OLFM3: variants seen among roughly 807,000 people sequenced by gnomAD.
OLFM3 encodes olfactomedin 3, also known as noelin-3.
In OLFM3, 20 loss-of-function variants were observed where a neutral mutation model predicts 48.6. The ratio of observed to expected loss-of-function variants is 0.41; its 90% CI spans 0.29 to 0.60. The LOEUF is 0.60. Ranked by LOEUF, OLFM3 falls within the 20% of genes least tolerant of loss-of-function variation. OLFM3 has a pLI of 0.28. For missense variants in OLFM3, 437 were observed against 544.3 expected (o/e 0.80, Z 1.96); for synonymous variants, 222 against 198.1 (o/e 1.12, Z -1.01).
chr1:101,961,212 T>G (rs1040041511), intron 1 of OLFM3, among the ~76,000 whole-genome samples: 4 of 152,068 alleles, frequency 2.6e-5, no homozygotes, highest in African/African-American at 9.6e-5. Flanking sequence ...AAGAAGTTAA[T>G]GATAGATTGT....
chr1:101,896,584 T>C (rs1448625334), intron 1 of OLFM3, among the ~76,000 whole-genome samples: 3 of 137,682 alleles, frequency 2.2e-5, no homozygotes, highest in Non-Finnish European at 4.6e-5. Context: ...AAACTCCGCC[T>C]CTCCGGTTCA....
At chr1:101,915,032 A>G (rs1202274583) in intron 1 of OLFM3, among the ~76,000 whole-genome samples, 2 of 152,208 alleles carry the variant, frequency 1.3e-5, no homozygotes, top group African/African-American at 2.4e-5. Context: ...GTCAGCAAAC[A>G]TTAACAATTT....
At chr1:101,843,459 G>T (rs555880862) in intron 1 of OLFM3, among the ~76,000 whole-genome samples, 1 of 152,238 alleles carries the variant, frequency 6.6e-6, no homozygotes, top group East Asian at 1.9e-4. Flanking sequence ...TGAGAGCTGA[G>T]GCTTCCTCTG....
intron 2 of OLFM3, among the ~76,000 whole-genome samples, chr1:101,834,522 C>G (rs1408054577): frequency 6.6e-6 from 1 of 152,156 alleles, no homozygotes; most frequent in African/African-American, 2.4e-5. Flanking sequence ...GAGAGATAAG[C>G]AAGGGACTGG....
chr1:101,959,962 C>T (rs542227532), intron 1 of OLFM3, among the ~76,000 whole-genome samples: 104 of 152,240 alleles, frequency 6.8e-4, no homozygotes, highest in African/African-American at 2.3e-3. Flanking sequence ...TCATATAACA[C>T]GAATAATACC....
chr1:101,816,179 T>C lies in OLFM3; in HGVS notation c.592+8847A>G, dbSNP rs77080680. On this transcript the variant is annotated intron_variant, in intron 4 of 5. Transcript: ENST00000370103. ...ACAAAACTCAGAAAAAGTGTGGTGA[T>C]CCCAGAAAATGAATCGAAGTTGGTT... Among the ~76,000 whole-genome samples the C allele has an allele frequency of 7.9e-3, 1,204 of 152,212 alleles. 15 individuals are homozygous for C. Among genetic ancestry groups the C allele is most frequent in the African/African-American group, 0.028 (1,150 of 41,516 alleles).
chr1:101,856,734 A>C (rs1373677846), intron 1 of OLFM3, among the ~76,000 whole-genome samples: 2 of 152,010 alleles, frequency 1.3e-5, no homozygotes, highest in African/African-American at 4.8e-5. Context: ...ACATTTATCA[A>C]GTGCATTCTT....
chr1:101,819,409 T>A (rs1382613950), intron 4 of OLFM3, among the ~76,000 whole-genome samples: 1 of 151,990 alleles, frequency 6.6e-6, no homozygotes, highest in Non-Finnish European at 1.5e-5. Flanking sequence ...AGATTTGTAT[T>A]GGGGAAAGAT....
At chr1:101,898,817 C>T (rs1229157925) in intron 1 of OLFM3, among the ~76,000 whole-genome samples, 1 of 152,074 alleles carries the variant, frequency 6.6e-6, no homozygotes, top group African/African-American at 2.4e-5. Context: ...CTACTGCACT[C>T]CAGCCTGAGT....
chr1:101,916,180 C>G (rs568168869), intron 1 of OLFM3, among the ~76,000 whole-genome samples: 1 of 152,052 alleles, frequency 6.6e-6, no homozygotes, highest in Non-Finnish European at 1.5e-5. Context: ...TGTGTGTTTT[C>G]TTTGTGCCAG....
intron 1 of OLFM3, among the ~76,000 whole-genome samples, chr1:101,896,004 T>A (rs186023561): frequency 6.5e-4 from 90 of 137,930 alleles, no homozygotes; most frequent in African/African-American, 1.6e-3. Flanking sequence ...ATAATAATAA[T>A]AAAAGTATGC....
chr1:101,896,990 A>G (rs1452968291), intron 1 of OLFM3, among the ~76,000 whole-genome samples: 1 of 152,142 alleles, frequency 6.6e-6, no homozygotes, highest in African/African-American at 2.4e-5. Flanking sequence ...TTATCTTTGA[A>G]ATACAGAACA....
At chr1:101,928,368 A>G (rs1389908805) in intron 1 of OLFM3, among the ~76,000 whole-genome samples, 1 of 152,126 alleles carries the variant, frequency 6.6e-6, no homozygotes, top group African/African-American at 2.4e-5. Flanking sequence ...TTTATTGTGC[A>G]TGACTTAACA....
At chr1:101,970,732 A>G (rs2101095920) in intron 1 of OLFM3, among the ~76,000 whole-genome samples, 1 of 152,336 alleles carries the variant, frequency 6.6e-6, no homozygotes, top group East Asian at 1.9e-4. Context: ...ATACAAAAGG[A>G]GAAAAGGACC....
intron 1 of OLFM3, among the ~76,000 whole-genome samples, chr1:101,841,933 T>C (rs1045583771): frequency 6.6e-6 from 1 of 152,186 alleles, no homozygotes; most frequent in Non-Finnish European, 1.5e-5. Context: ...ATTTTCTGTC[T>C]GAAGATAGGC....
chr1:101,916,767 G>A (rs1658941269), intron 1 of OLFM3, among the ~76,000 whole-genome samples: 1 of 152,104 alleles, frequency 6.6e-6, no homozygotes, highest in Admixed American at 6.6e-5. Context: ...GAGTTTTTGT[G>A]ATTGTGAGAT....
chr1:101,911,248 A>G (rs1459494465), intron 1 of OLFM3, among the ~76,000 whole-genome samples: 2 of 152,180 alleles, frequency 1.3e-5, no homozygotes, highest in East Asian at 3.8e-4. Flanking sequence ...ACAATAGAAA[A>G]TAGGAAGGAA....
At position 101,883,516 on chromosome 1, in the gene OLFM3, G is replaced by A. The variant is rs115816776; in HGVS notation, c.70-46491C>T. Among the ~76,000 whole-genome samples, 1,006 of 151,688 alleles carry A rather than the reference G, an allele frequency of 6.6e-3. 11 individuals carry two copies. The highest frequency in any genetic ancestry group is 0.01 in the East Asian group (53 of 5,118). On this transcript the variant is annotated intron_variant, in intron 1 of 5. Transcript: ENST00000370103. ...CCTCCTATTGTATATTTCAGAATCC[G>A]TTCCTTCCTTACCAATGTGTGTCTG...
intron 1 of OLFM3, among the ~76,000 whole-genome samples, chr1:101,850,592 G>A (rs1656186095): frequency 6.6e-6 from 1 of 151,866 alleles, no homozygotes; most frequent in African/African-American, 2.4e-5. Flanking sequence ...GTAGATGTGG[G>A]AAGGTTTCTA....
Sources: gnomAD v4.1 joint callset for allele counts (sites outside exome capture counted in the v4.1 genomes callset) on GRCh38, gnomAD v4.1.1 for gene constraint, MANE v1.5 for transcripts, NCBI Gene and HGNC (gene_info 2026-07-23, HGNC 2026-07-21) for gene names.